The following RDH8 variants were observed in gnomAD, a reference collection of about 807,000 sequenced individuals.
RDH8 encodes the protein retinol dehydrogenase 8.
A neutral mutation model predicts 22.3 loss-of-function variants in RDH8; 14 were observed. The observed-to-expected ratio is 0.63, with a 90% CI of 0.42 to 0.98. RDH8 has a LOEUF of 0.98. RDH8 is among the 50% of genes least tolerant of loss of function. RDH8 has a pLI of 0.00. For synonymous variants in RDH8, 175 were observed against 171.7 expected, an observed-to-expected ratio of 1.02 and a Z score of -0.15; for missense variants, 389 against 409.8, an observed-to-expected ratio of 0.95 and a Z score of 0.44.
In RDH8 at chr19:10,021,891, C is replaced by T; in HGVS notation, c.*142C>T. 1 of 848,856 alleles carries T rather than the reference C, an allele frequency of 1.2e-6. No individual in the cohort carries two copies. The highest frequency in any genetic ancestry group is 1.8e-6 in the Non-Finnish European group (1 of 556,568). The allele number at this position is 848,856 out of a possible 1,614,324, so 52.6% of individuals were successfully genotyped here. On this transcript the variant is annotated 3_prime_UTR_variant, in exon 6 of 6. Coordinates refer to ENST00000591589, the MANE Select transcript of RDH8 (RefSeq NM_015725.4). ...CTCTGTGCCTAGACATGGCTAGAAT[C>T]CCAGAAGGGCCTTTATTTTCAGGCA... is the stretch of plus-strand genomic sequence containing the variant.
At chr19:10,015,144 G>A (rs1474258373) in intron 1 of RDH8, among the ~76,000 whole-genome samples, 1 of 152,106 alleles carries the variant, frequency 6.6e-6, no homozygotes, top group Non-Finnish European at 1.5e-5. Context: ...CATATGCTGA[G>A]GTCCTGCTTA....
chr19:10,016,037 AT>A (rs1568441069), intron 1 of RDH8, among the ~76,000 whole-genome samples: 1 of 151,330 alleles, frequency 6.6e-6, no homozygotes. Flanking sequence ...TTGTGTATGC[AT>A]TTTTTTCATG....
At chr19:10,017,316 A>T in intron 2 of RDH8, 101 bp downstream of exon 2, 1 of 1,278,058 alleles carries the variant, frequency 7.8e-7, no homozygotes, top group Non-Finnish European at 1.0e-6. Context: ...CTTCTTCAGC[A>T]ATCTCTGAAC....
intron 1 of RDH8, among the ~76,000 whole-genome samples, chr19:10,015,487 A>G (rs1039409777): frequency 6.6e-6 from 1 of 152,068 alleles, no homozygotes; most frequent in African/African-American, 2.4e-5. Flanking sequence ...AAAATTAGCC[A>G]GGCATGGTGG....
intron 2 of RDH8, 117 bp from the exon 3 acceptor site, chr19:10,018,614 G>C: frequency 1.3e-6 from 1 of 746,212 alleles, no homozygotes; most frequent in South Asian, 2.2e-5. Context: ...GTCCACCCAA[G>C]ATACCCTGGA....
chr19:10,014,383 C>A (rs149475514), intron 1 of RDH8, among the ~76,000 whole-genome samples: 1 of 152,098 alleles, frequency 6.6e-6, no homozygotes, highest in Non-Finnish European at 1.5e-5. Flanking sequence ...TCCCTATGGG[C>A]GGGCAGATGG....
intron 3 of RDH8, among the ~76,000 whole-genome samples, 199 bp downstream of exon 3, chr19:10,019,109 C>T (rs1003636477): frequency 5.8e-4 from 88 of 152,000 alleles, no homozygotes; most frequent in Non-Finnish European, 7.4e-5. Context: ...CCAGCCTGGG[C>T]AACATGGTGA....
chr19:10,020,714 A>C lies in RDH8; in HGVS notation c.448A>C (p.Ile150Leu), dbSNP rs749215595. ...CCTCCCTCTGACCCTCACAGGTGTCATCTTCAACGATGTCTATGCAGCTTC... is the reference window on the plus strand; with the variant it reads ...CCTCCCTCTGACCCTCACAGGTGTCCTCTTCAACGATGTCTATGCAGCTTC... ...ISSVMGLQGV[I>L]FNDVYAASKF... Residue 150 changes from isoleucine (I) to leucine (L), a missense_variant, in exon 4 of 6, where the codon ATC (isoleucine) becomes CTC (leucine). Coordinates refer to ENST00000591589, the MANE Select transcript of RDH8 (RefSeq NM_015725.4). 1.2e-6 allele frequency: 2 copies of C among 1,608,354 alleles called. No homozygotes were observed. Among genetic ancestry groups the C allele is most frequent in the Non-Finnish European group, 1.7e-6 (2 of 1,176,404 alleles).
chr19:10,020,749 C>T lies in RDH8; in HGVS notation c.483C>T (p.Ala161=). ...FNDVYAASKF[A]LEGFFESLAI... ...ATGTCTATGCAGCTTCCAAGTTCGC[C>T]CTGGAGGGATTCTTCGAAAGCCTCG... Residue 161 remains alanine (A), a synonymous_variant, in exon 4 of 6, where the codon GCC becomes GCT. Transcript: ENST00000591589. 6.2e-7 allele frequency: 1 copy of T among 1,611,678 alleles called. No homozygotes were observed. The highest frequency in any genetic ancestry group is 8.5e-7 in the Non-Finnish European group (1 of 1,178,828).
In RDH8 at chr19:10,013,619, C is replaced by T. The variant is rs1341599515; in HGVS notation, c.103+19C>T. 4 of 1,613,366 alleles carry T rather than the reference C, an allele frequency of 2.5e-6. No homozygotes were observed. Among genetic ancestry groups the T allele is most frequent in the South Asian group, 2.2e-5 (2 of 91,078 alleles). ...TACCAGGGTAAGAAGTGCAGGGTGGCACTAGGAGGCAGCCGGGTGGAAACG... is the reference window on the plus strand; with the variant it reads ...TACCAGGGTAAGAAGTGCAGGGTGGTACTAGGAGGCAGCCGGGTGGAAACG... On this transcript the variant is annotated intron_variant, in intron 1 of 5. Coordinates refer to ENST00000591589, the MANE Select transcript of RDH8 (RefSeq NM_015725.4).
chr19:10,019,303 A>AT (rs143670197), intron 3 of RDH8, among the ~76,000 whole-genome samples: 13,700 of 151,736 alleles, frequency 0.09, 767 homozygotes, highest in Middle Eastern at 0.16. Context: ...GTCTCAAAAA[A>AT]AATAATAATA....
At position 10,021,792 on chromosome 19, in the gene RDH8, C is replaced by T. The variant is rs762275367; in HGVS notation, c.*43C>T. ...GATCCCCATCCCTGAACAACCAGACCTCTTCATTCCACATCTAATTCAAAG... is the reference window on the plus strand; with the variant it reads ...GATCCCCATCCCTGAACAACCAGACTTCTTCATTCCACATCTAATTCAAAG... On this transcript the variant is annotated 3_prime_UTR_variant, in exon 6 of 6. Coordinates refer to ENST00000591589, the MANE Select transcript of RDH8 (RefSeq NM_015725.4). 3.8e-6 allele frequency: 6 copies of T among 1,563,134 alleles called. No individual in the cohort carries two copies. The highest frequency in any genetic ancestry group is 5.3e-6 in the Non-Finnish European group (6 of 1,140,406).
Position 10,015,401 on chromosome 19 carries a change from C to T in RDH8, c.104-1656C>T, listed in dbSNP as rs1434903328. On this transcript the variant is annotated intron_variant, in intron 1 of 5. Transcript: ENST00000591589. ...CTGTGGGGTGGAGCTTGCAGTGAGT[C>T]GAGATCATGCCACTGCACTCCAGCC... Among the ~76,000 whole-genome samples, 11 of 151,838 alleles carry T rather than the reference C, an allele frequency of 7.2e-5. No homozygotes were observed. The South Asian group carries it at 2.3e-3, about 32-fold the overall frequency.
intron 1 of RDH8, 80 bp downstream of exon 1, chr19:10,013,680 C>A: frequency 6.8e-7 from 1 of 1,469,914 alleles, no homozygotes; most frequent in Non-Finnish European, 9.4e-7. Flanking sequence ...CCATCCCTCC[C>A]AGCTGCACTT....
At position 10,021,914 on chromosome 19, in the gene RDH8, G is replaced by C. The variant is rs929818786; in HGVS notation, c.*165G>C. The C allele has an allele frequency of 1.5e-5, 11 of 742,150 alleles. No individual in the cohort carries two copies. The highest frequency in any genetic ancestry group is 1.7e-5 in the Non-Finnish European group (8 of 464,364). 46.0% of individuals were successfully genotyped at this position (742,150 alleles called of 1,614,324 possible). A position where few individuals can be genotyped will look rare whatever the true frequency, so the allele number is the denominator to read the frequency against. ...ATCCCAGAAGGGCCTTTATTTTCAGGCATAGACTCCTCTGTGGTCACAGCT... is the reference window on the plus strand; with the variant it reads ...ATCCCAGAAGGGCCTTTATTTTCAGCCATAGACTCCTCTGTGGTCACAGCT... On this transcript the variant is annotated 3_prime_UTR_variant, in exon 6 of 6. Transcript: ENST00000591589.
chr19:10,016,293 C>T (rs60510413), intron 1 of RDH8, among the ~76,000 whole-genome samples: 15,763 of 146,950 alleles, frequency 0.11, 1,120 homozygotes, highest in South Asian at 0.16. Flanking sequence ...ACTACAGGCG[C>T]CTGCCACCAC....
rs138700506 is a variant in RDH8 at position 10,013,531 on chromosome 19, G to A, written c.34G>A (p.Gly12Ser). 1.9e-5 allele frequency: 31 copies of A among 1,613,584 alleles called. 1 individual carries two copies. Among genetic ancestry groups the A allele is most frequent in the Admixed American group, 1.2e-4 (7 of 59,972 alleles). ...AAAPRTVLISGCSSGIGLELA... is the reference protein window; with the variant it reads ...AAAPRTVLISSCSSGIGLELA... ...TGCACCCCGGACTGTGTTGATCTCC[G>A]GCTGCTCATCAGGAATTGGTCTGGA... Residue 12 changes from glycine (G) to serine (S), a missense_variant, in exon 1 of 6, where the codon GGC (glycine) becomes AGC (serine). Coordinates refer to ENST00000591589, the MANE Select transcript of RDH8 (RefSeq NM_015725.4).
In RDH8 at chr19:10,018,918, G is replaced by C. The variant is rs559936015; in HGVS notation, c.442+8G>C. 1.3e-5 allele frequency: 21 copies of C among 1,591,664 alleles called. No individual in the cohort carries two copies. The Middle Eastern group carries it at 1.2e-3, about 90-fold the overall frequency. On this transcript the variant is annotated splice_region_variant and intron_variant, in intron 3 of 5. Coordinates refer to ENST00000591589, the MANE Select transcript of RDH8 (RefSeq NM_015725.4). ...GTGTCATGGGCCTGCAGGGTGAGCTGTGGGGACCCAACCCTGGAAATCCCA... is the reference window on the plus strand; with the variant it reads ...GTGTCATGGGCCTGCAGGGTGAGCTCTGGGGACCCAACCCTGGAAATCCCA...
rs1285947681 is a variant in RDH8 at position 10,021,096 on chromosome 19, C to G, written c.537-159C>G. 1.3e-5 allele frequency: 9 copies of G among 697,868 alleles called. No individual in the cohort carries two copies. In the Admixed American group the frequency reaches 1.4e-4, roughly 11 times the overall value. The allele number at this position is 697,868 out of a possible 1,614,324, so 43.2% of individuals were successfully genotyped here. On this transcript the variant is annotated intron_variant, in intron 4 of 5. Transcript: ENST00000591589. ...AGGCTGAGGCGGAGGATTGTTTGAA[C>G]CCAGGAGTTGGAGGCTGCAGACAGC... is the stretch of plus-strand genomic sequence containing the variant.
Sources: allele counts gnomAD v4.1 joint callset (sites outside exome capture counted in the v4.1 genomes callset), GRCh38; gene constraint gnomAD v4.1.1; transcripts MANE v1.5; gene names NCBI Gene and HGNC (gene_info 2026-07-23, HGNC 2026-07-21).